BPTF: variants seen among roughly 807,000 people sequenced by gnomAD.
BPTF encodes the protein nucleosome-remodeling factor subunit BPTF.
Under a neutral mutation model 292.5 loss-of-function variants are expected in BPTF, and 18 were observed. That is an observed-to-expected ratio of 0.06 (90% CI 0.04 to 0.09). The LOEUF is 0.09. Ranked by LOEUF, BPTF falls within the 10% of genes least tolerant of loss-of-function variation. The probability of loss-of-function intolerance (pLI) is 1.00; values close to 1 mark genes in which losing one functional copy is unlikely to be tolerated. For synonymous variants in BPTF, 1,225 were observed against 1,251.9 expected (o/e 0.98, Z 0.45); for missense variants, 2,726 against 3,498.7 (o/e 0.78, Z 5.57).
chr17:67,959,634 A>G lies in BPTF; in HGVS notation c.8020A>G (p.Thr2674Ala). 6.7e-7 allele frequency: 1 copy of G among 1,496,622 alleles called. No homozygotes were observed. The highest frequency in any genetic ancestry group is 1.4e-5 in the African/African-American group (1 of 69,786). The allele number at this position is 1,496,622 out of a possible 1,614,324, so 92.7% of individuals were successfully genotyped here. A position where few individuals can be genotyped will look rare whatever the true frequency, so the allele number is the denominator to read the frequency against. The change falls in exon 24 of 28, where the codon ACA becomes GCA. Residue 2674 changes from threonine to alanine, a missense_variant. Transcript: ENST00000306378. ...TAVAAPCPPVTPAPPAPPAPP... is the reference protein window; with the variant it reads ...TAVAAPCPPVAPAPPAPPAPP... ...AGTAGCTGCACCCTGCCCCCCAGTG[A>G]CACCAGCTCCTCCAGCCCCTCCAGC...
intron 15 of BPTF, 133 bp downstream of exon 15, chr17:67,924,722 C>A: frequency 2.2e-6 from 2 of 912,412 alleles, no homozygotes; most frequent in Non-Finnish European, 3.4e-6. Flanking sequence ...ATTTTTTAGC[C>A]AAATTCATGC....
At chr17:67,919,218 T>TAAAAAA (rs1555656759) in intron 12 of BPTF, among the ~76,000 whole-genome samples, 27 of 126,256 alleles carry the variant, frequency 2.1e-4, no homozygotes, top group Admixed American at 1.2e-3. Flanking sequence ...ATAATAATAA[T>TAAAAAA]AAAATATAAT....
Position 67,854,522 on chromosome 17 carries a change from T to C in BPTF, c.1196T>C (p.Leu399Pro). 6.2e-7 allele frequency: 1 copy of C among 1,614,232 alleles called. No individual in the cohort carries two copies. The change falls in exon 2 of 28, where the codon CTT becomes CCT. Residue 399 changes from leucine to proline, a missense_variant. Physicochemically the swap from Leu to Pro is moderately conservative, Grantham distance 98. Coordinates refer to ENST00000306378, the MANE Select transcript of BPTF (RefSeq NM_182641.4). The surrounding 1 kb of genome is among the most constrained non-coding windows in gnomAD (Gnocchi z 5.6). ...YDDHCRVCHK[L>P]GDLLCCETCS... Reference sequence around the variant, plus strand: ...GACCATTGTAGGGTTTGTCACAAACTTGGGGATTTGCTTTGCTGTGAGACA... The same window carrying C: ...GACCATTGTAGGGTTTGTCACAAACCTGGGGATTTGCTTTGCTGTGAGACA...
chr17:67,953,961 C>CTTTTTTTTTTT (rs869063412), intron 23 of BPTF, among the ~76,000 whole-genome samples: 5 of 65,644 alleles, frequency 7.6e-5, no homozygotes, highest in African/African-American at 3.6e-4. Context: ...CTTTTCTTTT[C>CTTTTTTTTTTT]TTTTTTTTTT....
chr17:67,976,822 G>A (rs1461553169), intron 27 of BPTF, among the ~76,000 whole-genome samples: 2 of 151,896 alleles, frequency 1.3e-5, no homozygotes, highest in Admixed American at 1.3e-4. Flanking sequence ...CCTGATGTGT[G>A]CCTGATACTG....
rs1279569828 is a variant in BPTF, at chr17:67,909,757, C to T, written c.2988C>T (p.Asp996=). Residue 996 remains aspartate, a synonymous_variant, in exon 10 of 28, where the codon GAC becomes GAT. Transcript: ENST00000306378. ...MDISKITEKK[D]QDVKELLDSD... ...TCTCAAAGATTACTGAGAAGAAGGA[C>T]CAAGGTAAGGAGAGTCAGCTGTGGA... is the stretch of plus-strand genomic sequence containing the variant. 6.4e-7 allele frequency: 1 copy of T among 1,562,536 alleles called. No homozygotes were observed. The highest frequency in any genetic ancestry group is 8.6e-7 in the Non-Finnish European group (1 of 1,159,088).
intron 4 of BPTF, among the ~76,000 whole-genome samples, chr17:67,889,204 G>C (rs999323964): frequency 1.3e-5 from 2 of 152,140 alleles, no homozygotes; most frequent in Non-Finnish European, 2.9e-5. Context: ...TTTGGGCAGA[G>C]GGTGTTCAGT....
rs1216572509 is a variant in BPTF at position 67,866,985 on chromosome 17, C to T, written c.1660+298C>T. Among the ~76,000 whole-genome samples the T allele has an allele frequency of 4.6e-5, 7 of 152,292 alleles. No homozygotes were observed. In the South Asian group the frequency reaches 1.0e-3, roughly 23 times the overall value. ...CCCATAAGCAGTTGTAGCACAATGG[C>T]AGGTATTTGTGTATCTAACTATATC... On this transcript the variant is annotated intron_variant, in intron 3 of 27. Transcript: ENST00000306378.
At chr17:67,978,338 G>C (rs574806471) in intron 27 of BPTF, among the ~76,000 whole-genome samples, 58 of 147,168 alleles carry the variant, frequency 3.9e-4, no homozygotes, top group Admixed American at 3.6e-3. Flanking sequence ...TCACTCTGTT[G>C]CCCAGGCTGG....
At chr17:67,838,280 C>T (rs2057287578) in intron 1 of BPTF, among the ~76,000 whole-genome samples, 2 of 152,168 alleles carry the variant, frequency 1.3e-5, no homozygotes, top group South Asian at 4.1e-4. Context: ...ATTCATTAGT[C>T]TGTGATTTCG....
chr17:67,944,689 T>C (rs954075670), intron 20 of BPTF: 7 of 358,994 alleles, frequency 1.9e-5, no homozygotes, highest in Non-Finnish European at 3.1e-5. Context: ...GTCATGGAGG[T>C]GATCTCAGGG....
chr17:67,869,891 A>C (rs1208350386), intron 3 of BPTF, among the ~76,000 whole-genome samples: 2 of 149,818 alleles, frequency 1.3e-5, no homozygotes, highest in Admixed American at 1.3e-4. Flanking sequence ...AGTCCCAGCT[A>C]CTCGGCAGCC....
At chr17:67,940,949 C>T (rs573723034) in intron 19 of BPTF, among the ~76,000 whole-genome samples, 1 of 152,328 alleles carries the variant, frequency 6.6e-6, no homozygotes, top group African/African-American at 2.4e-5. Context: ...CATTAAGCTG[C>T]TTCCTTGCAA....
rs2063343378 is a variant in BPTF at position 67,920,263 on chromosome 17, A to G, written c.5557+120A>G. 3 of 1,157,912 alleles carry G rather than the reference A, an allele frequency of 2.6e-6. No individual in the cohort carries two copies. The African/African-American group carries it at 4.7e-5, about 18-fold the overall frequency. The allele number at this position is 1,157,912 out of a possible 1,614,324, so 71.7% of individuals were successfully genotyped here. On this transcript the variant is annotated intron_variant, in intron 13 of 27. Coordinates refer to ENST00000306378, the MANE Select transcript of BPTF (RefSeq NM_182641.4). ...TTTAAAAAAGACATATTTTACAACT[A>G]CCAAATTTTGAAAATGATATTAAAG...
intron 2 of BPTF, among the ~76,000 whole-genome samples, 181 bp from the exon 3 acceptor site, chr17:67,866,283 T>G (rs1194773380): frequency 6.6e-6 from 1 of 152,188 alleles, no homozygotes; most frequent in Non-Finnish European, 1.5e-5. Flanking sequence ...TGTGTCATGT[T>G]TTTTAGATAT....
chr17:67,898,267 A>G (rs1043291311), intron 7 of BPTF, among the ~76,000 whole-genome samples: 1 of 152,208 alleles, frequency 6.6e-6, no homozygotes, highest in Non-Finnish European at 1.5e-5. Flanking sequence ...AGGCTGAGGC[A>G]GGAGAACCAC....
chr17:67,931,296 A>G (rs2064365563), intron 17 of BPTF, among the ~76,000 whole-genome samples: 1 of 151,950 alleles, frequency 6.6e-6, no homozygotes, highest in South Asian at 2.1e-4. Context: ...CTGTCTCTAA[A>G]TAAGTAAATG....
chr17:67,839,726 T>G (rs1422391506), intron 1 of BPTF, among the ~76,000 whole-genome samples: 1 of 152,244 alleles, frequency 6.6e-6, no homozygotes, highest in Non-Finnish European at 1.5e-5. Context: ...CTCTGGTTTT[T>G]GGCAACTATG....
At chr17:67,851,494 AT>A (rs2058404403) in intron 1 of BPTF, among the ~76,000 whole-genome samples, 1 of 152,282 alleles carries the variant, frequency 6.6e-6, no homozygotes, top group East Asian at 1.9e-4. Context: ...TGTTTTTCTA[AT>A]TGTGAGCTGC....
Sources: gnomAD v4.1 joint callset for allele counts (sites outside exome capture counted in the v4.1 genomes callset) on GRCh38, gnomAD v4.1.1 for gene constraint, Gnocchi (gnomAD v3.1) non-coding constraint, MANE v1.5 for transcripts, NCBI Gene and HGNC (gene_info 2026-07-23, HGNC 2026-07-21) for gene names.